Variants in PPFIA2 observed in about 807,000 individuals in gnomAD.
The protein encoded by PPFIA2 is PPFI scaffold protein A2.
PPFIA2 carries 46 observed loss-of-function variants against 175.5 expected under a neutral mutation model. That is an observed-to-expected ratio of 0.26 (90% CI 0.21 to 0.34). PPFIA2 has a LOEUF of 0.34. Among genes scored for constraint, PPFIA2 ranks in the 10% least tolerant of loss-of-function variants. PPFIA2 has a pLI of 1.00. For missense variants in PPFIA2, 1,179 were observed against 1,506.1 expected (o/e 0.78, Z 3.60); for synonymous variants, 568 against 511.4 (o/e 1.11, Z -1.49).
In PPFIA2 at chr12:81,509,782, C is replaced by G. The variant is rs557730726; in HGVS notation, c.304-51916G>C. On this transcript the variant is annotated intron_variant, in intron 4 of 32. Transcript: ENST00000549396. ...AGCTTGAACAAGAAAGGAACTTGGACGTCATCTTTAAAGAAAATGTTCTCC... is the reference window on the plus strand; with the variant it reads ...AGCTTGAACAAGAAAGGAACTTGGAGGTCATCTTTAAAGAAAATGTTCTCC... 3.3e-5 allele frequency among the ~76,000 whole-genome samples: 5 copies of G among 152,212 alleles called. No homozygotes were observed. The East Asian group carries it at 9.7e-4, about 29-fold the overall frequency.
chr12:81,373,820 T>G (rs1456839180), intron 11 of PPFIA2, among the ~76,000 whole-genome samples: 2 of 152,060 alleles, frequency 1.3e-5, no homozygotes, highest in African/African-American at 4.8e-5. Context: ...CATACTCACT[T>G]ATTGTAGTGG....
At chr12:81,271,787 T>C (rs995810914) in intron 28 of PPFIA2, among the ~76,000 whole-genome samples, 3 of 152,170 alleles carry the variant, frequency 2.0e-5, no homozygotes, top group African/African-American at 4.8e-5. Flanking sequence ...CCTGCAGATA[T>C]TATTTTTACT....
intron 3 of PPFIA2, among the ~76,000 whole-genome samples, chr12:81,747,505 C>A (rs1336464615): frequency 6.9e-6 from 1 of 143,982 alleles, no homozygotes; most frequent in African/African-American, 2.4e-5. Context: ...TAAAATTGTG[C>A]AGTTAAGGTT....
intron 4 of PPFIA2, among the ~76,000 whole-genome samples, chr12:81,458,808 C>A (rs1326059431): frequency 5.3e-5 from 8 of 151,970 alleles, no homozygotes; most frequent in East Asian, 1.9e-4. Context: ...GTAAATAGAT[C>A]CATATTATCA....
chr12:81,662,278 G>A (rs181674393), intron 4 of PPFIA2, among the ~76,000 whole-genome samples: 1 of 152,230 alleles, frequency 6.6e-6, no homozygotes, highest in East Asian at 1.9e-4. Context: ...TTTTGGAAGA[G>A]ATCAACAAAG....
intron 8 of PPFIA2, among the ~76,000 whole-genome samples, chr12:81,402,540 A>G (rs922482164): frequency 1.1e-4 from 16 of 152,150 alleles, no homozygotes; most frequent in African/African-American, 3.9e-4. Flanking sequence ...TTTATGTTTT[A>G]TCAAGAAATG....
At chr12:81,746,703 C>A (rs748586093) in intron 3 of PPFIA2, among the ~76,000 whole-genome samples, 1 of 142,734 alleles carries the variant, frequency 7.0e-6, no homozygotes, top group Non-Finnish European at 1.6e-5. Context: ...CAGAGGGAAA[C>A]AATAATCAAA....
chr12:81,476,332 T>C (rs2057473349), intron 4 of PPFIA2, among the ~76,000 whole-genome samples: 1 of 152,168 alleles, frequency 6.6e-6, no homozygotes, highest in Non-Finnish European at 1.5e-5. Context: ...TGCCACACAG[T>C]CTAAAGCAGA....
chr12:81,642,648 A>ATGTACG (rs1555548910), intron 4 of PPFIA2, among the ~76,000 whole-genome samples: 5 of 68,550 alleles, frequency 7.3e-5, no homozygotes, highest in African/African-American at 2.5e-4. Flanking sequence ...ATATACATAC[A>ATGTACG]TGTATGTATC....
chr12:81,680,210 C>T (rs908570669), intron 3 of PPFIA2, among the ~76,000 whole-genome samples: 2 of 151,982 alleles, frequency 1.3e-5, no homozygotes, highest in Non-Finnish European at 2.9e-5. Flanking sequence ...ATATTGCATA[C>T]CATATTGAGG....
chr12:81,362,921 A>G, intron 14 of PPFIA2, 137 bp from the exon 15 acceptor site: 3 of 489,164 alleles, frequency 6.1e-6, no homozygotes, highest in Non-Finnish European at 1.1e-5. Flanking sequence ...ATAATAATAA[A>G]GCACGCCAAA....
intron 21 of PPFIA2, among the ~76,000 whole-genome samples, chr12:81,330,440 T>C (rs568627851): frequency 6.6e-6 from 1 of 152,318 alleles, no homozygotes; most frequent in South Asian, 2.1e-4. Flanking sequence ...ACACATAGTT[T>C]ATAGTTTACT....
chr12:81,703,351 T>C (rs1413460305), intron 3 of PPFIA2, among the ~76,000 whole-genome samples: 1 of 151,992 alleles, frequency 6.6e-6, no homozygotes, highest in African/African-American at 2.4e-5. Flanking sequence ...TCTGAAAAAA[T>C]CATTCCAACA....
chr12:81,640,501 G>A (rs944821949), intron 4 of PPFIA2, among the ~76,000 whole-genome samples: 3 of 152,070 alleles, frequency 2.0e-5, no homozygotes, highest in African/African-American at 7.2e-5. Context: ...TCCTTGCACA[G>A]ACTTTTGCTC....
chr12:81,688,012 G>C (rs1490253597), intron 3 of PPFIA2, among the ~76,000 whole-genome samples: 1 of 151,878 alleles, frequency 6.6e-6, no homozygotes, highest in African/African-American at 2.4e-5. Flanking sequence ...TAGATTTCTA[G>C]AGATTATTTT....
chr12:81,488,348 T>C (rs2059066835), intron 4 of PPFIA2, among the ~76,000 whole-genome samples: 1 of 151,722 alleles, frequency 6.6e-6, no homozygotes. Context: ...ATTTTGCCAT[T>C]TTTGGGAGGT....
chr12:81,267,958 T>C lies in PPFIA2; in HGVS notation c.3440A>G (p.Tyr1147Cys). 1 of 1,599,256 alleles carries C rather than the reference T, an allele frequency of 6.3e-7. No individual in the cohort carries two copies. The highest frequency in any genetic ancestry group is 8.5e-7 in the Non-Finnish European group (1 of 1,172,072). Reference sequence around the variant, plus strand: ...CTGTAATAATAAAGCTAAGCTGCTGTAGTCAAAGTTTTCATCCAGGGCTAT... The same window carrying C: ...CTGTAATAATAAAGCTAAGCTGCTGCAGTCAAAGTTTTCATCCAGGGCTAT... ...SLIALDENFD[Y>C]SSLALLLQIP... The change falls in exon 29 of 33, where the codon TAC (tyrosine) becomes TGC (cysteine). Residue 1147 changes from tyrosine to cysteine, a missense_variant. Around this residue, in one of 10 missense-constraint regions of PPFIA2, gnomAD observed 245 missense variants for 375.1 expected, o/e 0.65. Coordinates refer to ENST00000549396, the MANE Select transcript of PPFIA2 (RefSeq NM_003625.5).
intron 3 of PPFIA2, among the ~76,000 whole-genome samples, chr12:81,726,957 T>A (rs1167465090): frequency 6.6e-6 from 1 of 151,352 alleles, no homozygotes; most frequent in Non-Finnish European, 1.5e-5. Flanking sequence ...ACTTTTTAGC[T>A]GGGTCTTAGA....
intron 4 of PPFIA2, among the ~76,000 whole-genome samples, chr12:81,640,251 C>T (rs1442432781): frequency 6.6e-6 from 1 of 151,890 alleles, no homozygotes; most frequent in African/African-American, 2.4e-5. Context: ...TTTACCTATA[C>T]GATACATTGC....
Sources: allele counts gnomAD v4.1 joint callset (sites outside exome capture counted in the v4.1 genomes callset), GRCh38; gene constraint gnomAD v4.1.1; regional missense constraint gnomAD v4.1.1; transcripts MANE v1.5; gene names NCBI Gene and HGNC (gene_info 2026-07-23, HGNC 2026-07-21).